CLEC2D: variants seen among roughly 807,000 people sequenced by gnomAD.
CLEC2D encodes the protein C-type lectin domain family 2 member D, also known as C-type lectin related f.
In CLEC2D, 16 loss-of-function variants were observed where a neutral mutation model predicts 20.0. The observed-to-expected ratio is 0.80, with a 90% confidence interval of 0.54 to 1.22. CLEC2D has a LOEUF of 1.22. Among genes scored for constraint, CLEC2D ranks in the 50% most tolerant of loss-of-function variants. The pLI is 0.00. For missense variants in CLEC2D, 207 were observed against 221.5 expected (o/e 0.93, Z 0.42); for synonymous variants, 77 against 71.1 (o/e 1.08, Z -0.42).
In CLEC2D at chr12:9,680,963, A is replaced by C. The variant is rs1186261932; in HGVS notation, c.102A>C (p.Leu34Phe). The C allele has an allele frequency of 1.2e-6, 2 of 1,604,686 alleles. No individual in the cohort carries two copies. The highest frequency in any genetic ancestry group is 1.7e-6 in the Non-Finnish European group (2 of 1,172,358). The change falls in exon 2 of 5, where the codon TTA becomes TTC. Residue 34 changes from leucine to phenylalanine, a missense_variant. Coordinates refer to ENST00000290855, the MANE Select transcript of CLEC2D (RefSeq NM_013269.6). The stretch of plus-strand genomic sequence containing the variant: ...AAGAGCATTCTATTAAAGCTACCTT[A>C]ATTTGGCGCTTATTTTTCTTAATCA... ...HSKEHSIKAT[L>F]IWRLFFLIMF...
At chr12:9,684,258 G>A (rs1865707012) in intron 2 of CLEC2D, among the ~76,000 whole-genome samples, 1 of 152,186 alleles carries the variant, frequency 6.6e-6, no homozygotes, top group Admixed American at 6.5e-5. Context: ...TTGCTTATCA[G>A]CTTAATAAGT....
rs774409715 is a variant in CLEC2D at position 9,696,119 on chromosome 12, G to A, written c.*1245G>A. On this transcript the variant is annotated 3_prime_UTR_variant, in exon 5 of 5. Transcript: ENST00000290855. ...AAAATGCAAGCAAGTATAGAAAAAC[G>A]TGGTTCTCTTCCCAAAGTGGAAACC... The A allele has an allele frequency of 1.2e-5, 12 of 1,011,048 alleles. No individual in the cohort carries two copies. The highest frequency in any genetic ancestry group is 8.5e-5 in the Admixed American group (5 of 58,938). 62.6% of individuals were successfully genotyped at this position (1,011,048 alleles called of 1,614,324 possible).
chr12:9,673,675 C>T (rs746899606), intron 1 of CLEC2D, among the ~76,000 whole-genome samples: 1 of 152,250 alleles, frequency 6.6e-6, no homozygotes, highest in Non-Finnish European at 1.5e-5. Flanking sequence ...GAACCTGAAA[C>T]TGCCTCTCCC....
At chr12:9,670,232 A>G (rs1323982916) in intron 1 of CLEC2D, among the ~76,000 whole-genome samples, 1 of 152,198 alleles carries the variant, frequency 6.6e-6, no homozygotes, top group Non-Finnish European at 1.5e-5. Flanking sequence ...TTGAGTAGAA[A>G]CTTAGTAGGG....
At position 9,696,436 on chromosome 12, in the gene CLEC2D, T is replaced by G; in HGVS notation, c.*1562T>G. The G allele has an allele frequency of 2.2e-6, 1 of 454,108 alleles. No individual in the cohort carries two copies. Among genetic ancestry groups the G allele is most frequent in the South Asian group, 2.2e-5 (1 of 46,414 alleles). The allele number at this position is 454,108 out of a possible 1,614,324, so 28.1% of individuals were successfully genotyped here. A position where few individuals can be genotyped will look rare whatever the true frequency, so the allele number is the denominator to read the frequency against. ...ATGGAACTCCACCCTTTGCTTGGTT[T>G]TAAGTATGTATGGGATGCTATGATA... On this transcript the variant is annotated 3_prime_UTR_variant, in exon 5 of 5. Transcript: ENST00000290855.
At chr12:9,680,802 A>G (rs6488123) in intron 1 of CLEC2D, 121 bp from the exon 2 acceptor site, 91,330 of 570,348 alleles carry the variant, frequency 0.16, 9,938 homozygotes, top group African/African-American at 0.41. Context: ...ATGACAGGTC[A>G]TTTGCATCCT....
intron 4 of CLEC2D, among the ~76,000 whole-genome samples, chr12:9,694,512 C>T (rs1314823711): frequency 6.6e-6 from 1 of 152,152 alleles, no homozygotes; most frequent in East Asian, 1.9e-4. Context: ...TTTGGATGTA[C>T]TTGAAAGAAT....
intron 1 of CLEC2D, among the ~76,000 whole-genome samples, chr12:9,677,964 C>A (rs1591690961): frequency 6.6e-6 from 1 of 152,026 alleles, no homozygotes; most frequent in Admixed American, 6.6e-5. Flanking sequence ...ATCAAATAAT[C>A]CAGCCTTTTG....
At chr12:9,682,516 G>A (rs1453082131) in intron 2 of CLEC2D, among the ~76,000 whole-genome samples, 2 of 151,832 alleles carry the variant, frequency 1.3e-5, no homozygotes, top group African/African-American at 2.4e-5. Flanking sequence ...TATCCCTCCC[G>A]TTGCCCCCCA....
intron 3 of CLEC2D, 90 bp from the exon 4 acceptor site, chr12:9,692,736 TGA>T: frequency 2.7e-6 from 2 of 750,122 alleles, no homozygotes; most frequent in South Asian, 3.9e-5. Context: ...AAGAAAATTA[TGA>T]GTAGTTAAGA....
chr12:9,674,453 G>T (rs1037356013), intron 1 of CLEC2D, among the ~76,000 whole-genome samples: 6 of 152,164 alleles, frequency 3.9e-5, no homozygotes, highest in Non-Finnish European at 2.9e-5. Flanking sequence ...AGATGAACTT[G>T]GTACCTCAGA....
intron 1 of CLEC2D, among the ~76,000 whole-genome samples, chr12:9,679,766 GA>G (rs1865597416): frequency 6.6e-6 from 1 of 152,166 alleles, no homozygotes; most frequent in African/African-American, 2.4e-5. Context: ...GTGTTGGGGG[GA>G]ATGTTGGAGA....
chr12:9,695,210 G>A lies in CLEC2D; in HGVS notation c.*336G>A. On this transcript the variant is annotated 3_prime_UTR_variant, in exon 5 of 5. Coordinates refer to ENST00000290855, the MANE Select transcript of CLEC2D (RefSeq NM_013269.6). Reference sequence around the variant, plus strand: ...AAGCAAAGTCATGTCTTATGTGGTGGCAGGCAGGGGGACTTGTGCACAGGA... The same window carrying A: ...AAGCAAAGTCATGTCTTATGTGGTGACAGGCAGGGGGACTTGTGCACAGGA... 1.7e-6 allele frequency: 1 copy of A among 603,430 alleles called. No homozygotes were observed. The highest frequency in any genetic ancestry group is 3.0e-6 in the Non-Finnish European group (1 of 338,068). 37.4% of individuals were successfully genotyped at this position (603,430 alleles called of 1,614,324 possible).
At chr12:9,672,022 C>T (rs757225995) in intron 1 of CLEC2D, among the ~76,000 whole-genome samples, 18 of 151,958 alleles carry the variant, frequency 1.2e-4, no homozygotes, top group East Asian at 9.7e-4. Context: ...CTGTTTTGTG[C>T]TGCTATTACA....
At chr12:9,694,123 A>G (rs1865928434) in intron 4 of CLEC2D, among the ~76,000 whole-genome samples, 1 of 151,844 alleles carries the variant, frequency 6.6e-6, no homozygotes, top group Non-Finnish European at 1.5e-5. Flanking sequence ...CTCTCAAAAT[A>G]TTTTAAGGAT....
intron 2 of CLEC2D, among the ~76,000 whole-genome samples, chr12:9,687,640 A>G (rs78198513): frequency 0.041 from 6,292 of 152,290 alleles, 450 homozygotes; most frequent in African/African-American, 0.14. Flanking sequence ...AAATAGATAC[A>G]TGGCCCAGAG....
intron 1 of CLEC2D, among the ~76,000 whole-genome samples, chr12:9,674,909 CTTATA>C (rs898922778): frequency 4.6e-5 from 7 of 152,198 alleles, no homozygotes; most frequent in Admixed American, 3.3e-4. Context: ...TAGGCTTTCT[CTTATA>C]TTATCTTCTA....
rs1865783538 is a variant in CLEC2D at position 9,687,953 on chromosome 12, G to T, written c.224G>T (p.Cys75Phe). Reference sequence around the variant, plus strand: ...CCATCAGTATGTCTTCAAGCTGCATGCCCAGAAAGCTGGATTGGTTTTCAA... The same window carrying T: ...CCATCAGTATGTCTTCAAGCTGCATTCCCAGAAAGCTGGATTGGTTTTCAA... ...QEPSVCLQAA[C>F]PESWIGFQRK... The change falls in exon 3 of 5, where the codon TGC becomes TTC. Residue 75 changes from cysteine to phenylalanine, a missense_variant. Physicochemically the swap from Cys to Phe is radical, Grantham distance 205 (BLOSUM62 -2). Transcript: ENST00000290855. 1 of 1,611,370 alleles carries T rather than the reference G, an allele frequency of 6.2e-7. No individual in the cohort carries two copies. The highest frequency in any genetic ancestry group is 8.5e-7 in the Non-Finnish European group (1 of 1,178,652).
In CLEC2D at chr12:9,695,338, T is replaced by G. The variant is rs1365564250; in HGVS notation, c.*464T>G. 20 of 993,062 alleles carry G rather than the reference T, an allele frequency of 2.0e-5. No individual in the cohort carries two copies. The highest frequency in any genetic ancestry group is 3.2e-5 in the Non-Finnish European group (20 of 630,758). 61.5% of individuals were successfully genotyped at this position (993,062 alleles called of 1,614,324 possible). On this transcript the variant is annotated 3_prime_UTR_variant, in exon 5 of 5. Coordinates refer to ENST00000290855, the MANE Select transcript of CLEC2D (RefSeq NM_013269.6). Reference sequence around the variant, plus strand: ...GCTGTTCTCTGGAGCAGCATTCATTTATCTTCGTCTGCCTTGTCTCCTACC... The same window carrying G: ...GCTGTTCTCTGGAGCAGCATTCATTGATCTTCGTCTGCCTTGTCTCCTACC...
Sources: gnomAD v4.1 joint callset for allele counts (sites outside exome capture counted in the v4.1 genomes callset) on GRCh38, gnomAD v4.1.1 for gene constraint, MANE v1.5 for transcripts, NCBI Gene and HGNC (gene_info 2026-07-23, HGNC 2026-07-21) for gene names.